The following DSG4 variants were observed in gnomAD, a reference collection of about 807,000 sequenced individuals.
DSG4 encodes the protein desmoglein-4.
DSG4 carries 87 observed loss-of-function variants against 93.1 expected under a neutral mutation model. That is an observed-to-expected ratio of 0.93 (90% confidence interval 0.79 to 1.12). The LOEUF is 1.12. Ranked by LOEUF, DSG4 falls within the 50% of genes most tolerant of loss-of-function variation. The pLI, the probability that DSG4 is intolerant of heterozygous loss-of-function variation, is 0.00. For missense variants in DSG4, 1,373 were observed against 1,285.7 expected, an observed-to-expected ratio of 1.07 and a Z score of -1.04; for synonymous variants, 432 against 452.9, an observed-to-expected ratio of 0.95 and a Z score of 0.59.
At chr18:31,408,736 G>T (rs2072453858) in intron 12 of DSG4, among the ~76,000 whole-genome samples, 1 of 152,114 alleles carries the variant, frequency 6.6e-6, no homozygotes, top group South Asian at 2.1e-4. Flanking sequence ...CCATGCTAGA[G>T]AATTAGGAAA....
In DSG4 at chr18:31,413,196, T is replaced by C; in HGVS notation, c.2724T>C (p.Thr908=). The part of the protein sequence containing the change: ...EPVVHGDIIV[T]ETYGNADPCV... ...TGGTCCATGGGGATATTATTGTGAC[T>C]GAGACTTACGGTAATGCTGATCCAT... is the stretch of plus-strand genomic sequence containing the variant. The change falls in exon 16 of 16, where the codon ACT becomes ACC. Residue 908 remains threonine, a synonymous_variant. Coordinates refer to ENST00000308128, the MANE Select transcript of DSG4 (RefSeq NM_177986.5). 6.2e-7 allele frequency: 1 copy of C among 1,614,194 alleles called. No individual in the cohort carries two copies. Among genetic ancestry groups the C allele is most frequent in the Non-Finnish European group, 8.5e-7 (1 of 1,180,044 alleles).
chr18:31,401,316 C>T (rs1264397290), intron 10 of DSG4, among the ~76,000 whole-genome samples: 1 of 152,122 alleles, frequency 6.6e-6, no homozygotes, highest in Non-Finnish European at 1.5e-5. Context: ...TGGCTAATCT[C>T]ACTTGTAGGG....
At chr18:31,391,001 G>C in intron 6 of DSG4, 77 bp from the exon 7 acceptor site, 1 of 1,582,714 alleles carries the variant, frequency 6.3e-7, no homozygotes, top group South Asian at 1.1e-5. Context: ...AAAGAGTAGA[G>C]AAATAATGGC....
At chr18:31,412,747 G>T (rs2072508054) in intron 15 of DSG4, 81 bp from the exon 16 acceptor site, 6 of 1,442,734 alleles carry the variant, frequency 4.2e-6, no homozygotes, top group South Asian at 2.4e-5. Context: ...TAACTCAGAA[G>T]TCTCTCTGAG....
rs761867762 is a variant in DSG4, at chr18:31,399,521, G to A, written c.1255G>A (p.Gly419Arg). 5.0e-6 allele frequency: 8 copies of A among 1,613,982 alleles called. No individual in the cohort carries two copies. In the East Asian group the frequency reaches 6.7e-5, roughly 13 times the overall value. Residue 419 changes from glycine to arginine, a missense_variant, in exon 9 of 16, where the codon GGA becomes AGA. By Grantham distance (125) the Gly-to-Arg change is moderately radical. Transcript: ENST00000308128. ...ATATACAGCCATAGATTTGGACACAGGAAACCCTGCAACAGATGTCAGGTA... is the reference window on the plus strand; with the variant it reads ...ATATACAGCCATAGATTTGGACACAAGAAACCCTGCAACAGATGTCAGGTA... ...GTYTAIDLDT[G>R]NPATDVRYII...
At chr18:31,395,941 G>T (rs1166739832) in intron 8 of DSG4, among the ~76,000 whole-genome samples, 3 of 152,078 alleles carry the variant, frequency 2.0e-5, no homozygotes, top group Non-Finnish European at 4.4e-5. Context: ...GAAAAATAAG[G>T]ATTTATTGAG....
chr18:31,401,071 A>C (rs1159892127), intron 10 of DSG4, 51 bp downstream of exon 10: 1 of 1,417,252 alleles, frequency 7.1e-7, no homozygotes, highest in Non-Finnish European at 9.6e-7. Context: ...TATTATATTA[A>C]ATATTATGTT....
chr18:31,378,269 T>C (rs1482965208), intron 1 of DSG4, among the ~76,000 whole-genome samples: 1 of 152,200 alleles, frequency 6.6e-6, no homozygotes, highest in Non-Finnish European at 1.5e-5. Context: ...AAATAAATGT[T>C]ACTAAAAGAA....
At chr18:31,403,705 A>G in intron 11 of DSG4, 71 bp downstream of exon 11, 4 of 1,403,890 alleles carry the variant, frequency 2.8e-6, no homozygotes, top group Non-Finnish European at 4.0e-6. Context: ...AAATGTGGCA[A>G]GTCACTTAAT....
At position 31,404,296 on chromosome 18, in the gene DSG4, G is replaced by A. The variant is rs566484802; in HGVS notation, c.1636+662G>A. 1.4e-4 allele frequency among the ~76,000 whole-genome samples: 22 copies of A among 152,282 alleles called. No individual in the cohort carries two copies. The East Asian group carries it at 4.1e-3, about 28-fold the overall frequency. On this transcript the variant is annotated intron_variant, in intron 11 of 15. Transcript: ENST00000308128. Reference sequence around the variant, plus strand: ...GAAAGTAAAGTGAAAAACAGATCACGAAGTTGTATATGTATGTATCTTGAC... The same window carrying A: ...GAAAGTAAAGTGAAAAACAGATCACAAAGTTGTATATGTATGTATCTTGAC...
At chr18:31,390,127 T>C (rs1462528240) in intron 5 of DSG4, among the ~76,000 whole-genome samples, 1 of 152,170 alleles carries the variant, frequency 6.6e-6, no homozygotes, top group Admixed American at 6.6e-5. Flanking sequence ...AAGTCTTCTT[T>C]TCAATAATTA....
Position 31,385,184 on chromosome 18 carries a change from A to T in DSG4, c.84+13A>T, listed in dbSNP as rs1295350812. ...ATTTATTGTTGAGGTAATGTAAAAT[A>T]AAATTATTTTCTCAATTTAAAATTA... On this transcript the variant is annotated intron_variant, in intron 2 of 15. Coordinates refer to ENST00000308128, the MANE Select transcript of DSG4 (RefSeq NM_177986.5). 2.6e-6 allele frequency: 4 copies of T among 1,560,020 alleles called. No individual in the cohort carries two copies. The African/African-American group carries it at 4.1e-5, about 16-fold the overall frequency.
At position 31,392,212 on chromosome 18, in the gene DSG4, A is replaced by G; in HGVS notation, c.877A>G (p.Ile293Val). The change falls in exon 8 of 16, where the codon ATT (isoleucine) becomes GTT (valine). Residue 293 changes from isoleucine (I) to valine (V), a missense_variant. Coordinates refer to ENST00000308128, the MANE Select transcript of DSG4 (RefSeq NM_177986.5). ...LSSELIRLQA[I>V]DLDEEGTDNW... The stretch of plus-strand genomic sequence containing the variant: ...TTCGGAACTGATACGATTACAAGCA[A>G]TTGATCTTGATGAAGAAGGCACTGA... 1 of 1,613,794 alleles carries G rather than the reference A, an allele frequency of 6.2e-7. No homozygotes were observed. The highest frequency in any genetic ancestry group is 2.2e-5 in the East Asian group (1 of 44,776).
At position 31,376,896 on chromosome 18, in the gene DSG4, A is replaced by C. The variant is rs200979438; in HGVS notation, c.-16A>C. The stretch of plus-strand genomic sequence containing the variant: ...TTGAATCTCACAGGATTTGCGTGCA[A>C]GAGAAACCCAAAGGAATGGATTGGC... On this transcript the variant is annotated 5_prime_UTR_variant, in exon 1 of 16. Transcript: ENST00000308128. 5.6e-6 allele frequency: 9 copies of C among 1,612,786 alleles called. No individual in the cohort carries two copies. The African/African-American group carries it at 6.7e-5, about 12-fold the overall frequency.
intron 2 of DSG4, among the ~76,000 whole-genome samples, chr18:31,386,486 C>A (rs1265640819): frequency 6.6e-6 from 1 of 152,094 alleles, no homozygotes; most frequent in Non-Finnish European, 1.5e-5. Flanking sequence ...ATAATTGGAA[C>A]CAAGATGATT....
chr18:31,390,923 A>T, intron 6 of DSG4, 101 bp downstream of exon 6: 2 of 1,508,992 alleles, frequency 1.3e-6, no homozygotes, highest in Non-Finnish European at 1.8e-6. Context: ...AAAGGAGGGA[A>T]GAAAAATAAT....
intron 1 of DSG4, 49 bp downstream of exon 1, chr18:31,377,008 G>C (rs1190950849): frequency 4.4e-6 from 7 of 1,592,338 alleles, no homozygotes; most frequent in Non-Finnish European, 6.0e-6. Flanking sequence ...TCAAGGTCTT[G>C]TCTCTGTCAA....
rs1408952331 is a variant in DSG4, at chr18:31,399,338, C to A, written c.1072C>A (p.His358Asn). Reference sequence around the variant, plus strand: ...CGGAGTTAAAAACCAAGCTGATTTTCACTACTCCGTTGCTTCTCAATTCCA... The same window carrying A: ...CGGAGTTAAAAACCAAGCTGATTTTAACTACTCCGTTGCTTCTCAATTCCA... ...SIGVKNQADF[H>N]YSVASQFQMH... is the part of the protein sequence containing the mutation. The change falls in exon 9 of 16, where the codon CAC (histidine) becomes AAC (asparagine). Residue 358 changes from histidine (H) to asparagine (N), a missense_variant. Physicochemically the swap from His to Asn is moderately conservative, Grantham distance 68 (BLOSUM62 1). Coordinates refer to ENST00000308128, the MANE Select transcript of DSG4 (RefSeq NM_177986.5). 1 of 1,613,880 alleles carries A rather than the reference C, an allele frequency of 6.2e-7. No homozygotes were observed. The highest frequency in any genetic ancestry group is 8.5e-7 in the Non-Finnish European group (1 of 1,179,944).
At chr18:31,395,912 G>A (rs1333771368) in intron 8 of DSG4, among the ~76,000 whole-genome samples, 2 of 152,056 alleles carry the variant, frequency 1.3e-5, no homozygotes, top group African/African-American at 4.8e-5. Flanking sequence ...TCACTTGAAC[G>A]CGGACCAGGG....
Sources: allele counts gnomAD v4.1 joint callset (sites outside exome capture counted in the v4.1 genomes callset), GRCh38; gene constraint gnomAD v4.1.1; transcripts MANE v1.5; gene names NCBI Gene and HGNC (gene_info 2026-07-23, HGNC 2026-07-21).